SPOCK3: variants seen among roughly 807,000 people sequenced by gnomAD.
The protein encoded by SPOCK3 is SPARC (osteonectin), cwcv and kazal like domains proteoglycan 3.
In SPOCK3, 30 loss-of-function variants were observed where a neutral mutation model predicts 56.6. That is an observed-to-expected ratio of 0.53 (90% CI 0.40 to 0.72). The LOEUF (loss-of-function observed/expected upper bound fraction) is 0.72. Ranked by LOEUF, SPOCK3 falls within the 30% of genes least tolerant of loss-of-function variation. SPOCK3 has a pLI of 0.00. For missense variants in SPOCK3, 527 were observed against 530.0 expected (o/e 0.99, Z 0.06); for synonymous variants, 196 against 183.3 (o/e 1.07, Z -0.56).
chr4:167,201,446 C>T (rs756448577), intron 2 of SPOCK3, among the ~76,000 whole-genome samples: 1 of 151,864 alleles, frequency 6.6e-6, no homozygotes, highest in South Asian at 2.1e-4. Context: ...CAGAAGCTGT[C>T]ATATCATCCT....
At chr4:166,782,253 A>G (rs1208433525) in intron 7 of SPOCK3, among the ~76,000 whole-genome samples, 1 of 152,174 alleles carries the variant, frequency 6.6e-6, no homozygotes, top group African/African-American at 2.4e-5. Context: ...ACATCACATA[A>G]TGATAAAGAG....
intron 2 of SPOCK3, among the ~76,000 whole-genome samples, chr4:167,119,520 G>T (rs1761696833): frequency 6.6e-6 from 1 of 152,012 alleles, no homozygotes; most frequent in Admixed American, 6.6e-5. Flanking sequence ...AATAACAAAG[G>T]TTTATATCAT....
At chr4:166,898,866 G>T (rs564309866) in intron 5 of SPOCK3, among the ~76,000 whole-genome samples, 2 of 152,236 alleles carry the variant, frequency 1.3e-5, no homozygotes, top group Non-Finnish European at 2.9e-5. Flanking sequence ...TTATTTCTGG[G>T]CATGACTATG....
At chr4:166,747,584 A>C (rs775272369) in intron 8 of SPOCK3, among the ~76,000 whole-genome samples, 4 of 152,230 alleles carry the variant, frequency 2.6e-5, no homozygotes, top group Non-Finnish European at 4.4e-5. Flanking sequence ...CAAGACAGGG[A>C]TGCCTTCTCT....
At chr4:167,029,161 C>T (rs755639583) in intron 3 of SPOCK3, among the ~76,000 whole-genome samples, 5 of 151,972 alleles carry the variant, frequency 3.3e-5, no homozygotes, top group Non-Finnish European at 7.4e-5. Flanking sequence ...TAAGTGAGAA[C>T]ATTTGGTGTT....
chr4:166,978,593 G>A (rs1178308448), intron 4 of SPOCK3, among the ~76,000 whole-genome samples: 1 of 152,146 alleles, frequency 6.6e-6, no homozygotes, highest in Non-Finnish European at 1.5e-5. Context: ...TGAGCTTGGA[G>A]TGATGTACTT....
chr4:166,792,679 A>G (rs1741480578), intron 6 of SPOCK3, among the ~76,000 whole-genome samples: 2 of 152,120 alleles, frequency 1.3e-5, no homozygotes, highest in African/African-American at 4.8e-5. Flanking sequence ...TGTTGGCCAT[A>G]CCTCTTGTAA....
At chr4:166,951,837 G>A (rs2150037814) in intron 4 of SPOCK3, among the ~76,000 whole-genome samples, 1 of 152,056 alleles carries the variant, frequency 6.6e-6, no homozygotes, top group East Asian at 1.9e-4. Context: ...AAAACCACAT[G>A]ATTATCTCAA....
At chr4:166,861,284 T>C (rs917784822) in intron 6 of SPOCK3, among the ~76,000 whole-genome samples, 6 of 152,132 alleles carry the variant, frequency 3.9e-5, no homozygotes, top group African/African-American at 1.4e-4. Context: ...TAAGAGTCTT[T>C]CTCTCACGTA....
chr4:167,116,947 GTA>G (rs149273047), intron 2 of SPOCK3, among the ~76,000 whole-genome samples: 233 of 120,296 alleles, frequency 1.9e-3, no homozygotes, highest in Admixed American at 8.6e-3. Flanking sequence ...TTGTGTATAT[GTA>G]TATATATATA....
intron 6 of SPOCK3, among the ~76,000 whole-genome samples, chr4:166,843,533 T>G (rs1747731164): frequency 6.6e-6 from 1 of 152,128 alleles, no homozygotes; most frequent in Non-Finnish European, 1.5e-5. Context: ...TTACTCGTCT[T>G]GAAAAAATAA....
chr4:167,186,651 A>C (rs1242130972), intron 2 of SPOCK3, among the ~76,000 whole-genome samples: 1 of 150,362 alleles, frequency 6.7e-6, no homozygotes, highest in Non-Finnish European at 1.5e-5. Context: ...AAACAACAAC[A>C]ACAAAAAAAA....
At chr4:167,081,382 G>A (rs1268743673) in intron 2 of SPOCK3, among the ~76,000 whole-genome samples, 3 of 151,746 alleles carry the variant, frequency 2.0e-5, no homozygotes, top group African/African-American at 7.3e-5. Flanking sequence ...TTTTTACTAT[G>A]AAATAATATT....
chr4:167,191,673 T>G (rs1197610809), intron 2 of SPOCK3, among the ~76,000 whole-genome samples: 1 of 128,852 alleles, frequency 7.8e-6, no homozygotes, highest in Non-Finnish European at 1.7e-5. Flanking sequence ...GTTCTGACAG[T>G]TTTTTTTTGT....
chr4:166,985,345 A>T (rs1357975276), intron 4 of SPOCK3, among the ~76,000 whole-genome samples: 2 of 152,178 alleles, frequency 1.3e-5, no homozygotes, highest in Admixed American at 1.3e-4. Flanking sequence ...CAACAATTCA[A>T]ATCTTCCAGG....
chr4:167,204,118 T>C (rs558254470), intron 2 of SPOCK3, among the ~76,000 whole-genome samples: 2 of 152,142 alleles, frequency 1.3e-5, no homozygotes, highest in Admixed American at 6.6e-5. Context: ...AATTGTTGTA[T>C]ACAACTTCCT....
Position 166,769,687 on chromosome 4 carries a change from C to G in SPOCK3, c.710-14958G>C, listed in dbSNP as rs190766768. ...CCGTTCTCAGATCTCAAACTCTGTG[C>G]TGGGAGAAGCACTACTCTCTTCAAA... On this transcript the variant is annotated intron_variant, in intron 7 of 10. Transcript: ENST00000357545. 2.8e-4 allele frequency among the ~76,000 whole-genome samples: 43 copies of G among 152,240 alleles called. 1 individual carries two copies. In the East Asian group the frequency reaches 8.2e-3, roughly 29 times the overall value.
Position 166,754,512 on chromosome 4 carries a change from C to A in SPOCK3, c.927G>T (p.Gln309His). 1 of 1,611,972 alleles carries A rather than the reference C, an allele frequency of 6.2e-7. No homozygotes were observed. The highest frequency in any genetic ancestry group is 1.1e-5 in the South Asian group (1 of 90,914). Reference protein sequence around the residue: ...NNEWCYCFQRQQDPPCQTELS... With the variant: ...NNEWCYCFQRHQDPPCQTELS... Reference sequence around the variant, plus strand: ...TGTAAGGGTCTCATCTTTTACCTTGCTGTCTCTGGAAGCAGTAGCACCACT... The same window carrying A: ...TGTAAGGGTCTCATCTTTTACCTTGATGTCTCTGGAAGCAGTAGCACCACT... Residue 309 changes from glutamine to histidine, a missense_variant, in exon 8 of 11, where the codon CAG becomes CAT. Transcript: ENST00000357545.
intron 6 of SPOCK3, among the ~76,000 whole-genome samples, chr4:166,796,640 C>A (rs1013133964): frequency 6.6e-6 from 1 of 152,016 alleles, no homozygotes; most frequent in Non-Finnish European, 1.5e-5. Flanking sequence ...TCACAAAATA[C>A]CAGGCATAAT....
Sources: allele counts gnomAD v4.1 joint callset (sites outside exome capture counted in the v4.1 genomes callset), GRCh38; gene constraint gnomAD v4.1.1; transcripts MANE v1.5; gene names NCBI Gene and HGNC (gene_info 2026-07-23, HGNC 2026-07-21).